Variants in KIF26B observed in about 807,000 individuals in gnomAD.
KIF26B encodes kinesin-like protein KIF26B.
A neutral mutation model predicts 151.2 loss-of-function variants in KIF26B; 63 were observed. The ratio of observed to expected loss-of-function variants is 0.42; its 90% CI spans 0.34 to 0.51. KIF26B has a LOEUF of 0.51. KIF26B is among the 20% of genes least tolerant of loss of function. The pLI, the probability that KIF26B is intolerant of heterozygous loss-of-function variation, is 0.07. For synonymous variants in KIF26B, 1,357 were observed against 1,262.1 expected (o/e 1.08, Z -1.59); for missense variants, 2,813 against 2,913.6 (o/e 0.97, Z 0.79).
At chr1:245,228,212 C>G (rs1365575057) in intron 2 of KIF26B, among the ~76,000 whole-genome samples, 1 of 152,216 alleles carries the variant, frequency 6.6e-6, no homozygotes, top group Non-Finnish European at 1.5e-5. Flanking sequence ...AGGGGGCCCT[C>G]TTTCAGGAGC....
chr1:245,366,055 G>T (rs1043959559), intron 2 of KIF26B, among the ~76,000 whole-genome samples: 3 of 152,204 alleles, frequency 2.0e-5, no homozygotes, highest in Non-Finnish European at 4.4e-5. Context: ...ACCTCTGTTC[G>T]AGGTTGCAAG....
At chr1:245,650,364 A>G (rs2044001908) in intron 10 of KIF26B, among the ~76,000 whole-genome samples, 1 of 152,250 alleles carries the variant, frequency 6.6e-6, no homozygotes, top group African/African-American at 2.4e-5. Context: ...ATGACTTCTC[A>G]GGCCAAAACC....
intron 2 of KIF26B, among the ~76,000 whole-genome samples, chr1:245,220,428 CA>C (rs1558350379): frequency 3.2e-4 from 12 of 37,672 alleles, no homozygotes; most frequent in Admixed American, 2.7e-3. Flanking sequence ...GTCCAGGGTC[CA>C]GGGTCCAGGG....
intron 3 of KIF26B, among the ~76,000 whole-genome samples, chr1:245,407,571 C>T (rs773462295): frequency 2.0e-5 from 3 of 151,874 alleles, no homozygotes; most frequent in African/African-American, 4.8e-5. Context: ...ATGTATAAGC[C>T]GAAGCATCTT....
chr1:245,592,745 A>G (rs1395079734), intron 5 of KIF26B, among the ~76,000 whole-genome samples: 1 of 151,396 alleles, frequency 6.6e-6, no homozygotes, highest in African/African-American at 2.4e-5. Context: ...CATGTCATGC[A>G]GGATTATTAT....
At chr1:245,679,036 G>A (rs2044394111) in intron 10 of KIF26B, among the ~76,000 whole-genome samples, 1 of 152,106 alleles carries the variant, frequency 6.6e-6, no homozygotes, top group African/African-American at 2.4e-5. Flanking sequence ...TGGTGGTTCA[G>A]TGTCTGGGAT....
chr1:245,188,328 CA>C (rs1359102318), intron 2 of KIF26B, among the ~76,000 whole-genome samples: 1 of 138,172 alleles, frequency 7.2e-6, no homozygotes, highest in African/African-American at 2.7e-5. Flanking sequence ...CACAGTAGAA[CA>C]GGGGTGTGGT....
chr1:245,469,268 G>A (rs1036680143), intron 4 of KIF26B, among the ~76,000 whole-genome samples: 3 of 152,168 alleles, frequency 2.0e-5, no homozygotes, highest in Non-Finnish European at 2.9e-5. Context: ...CTGCACTGTG[G>A]CATCCAGAGA....
intron 9 of KIF26B, among the ~76,000 whole-genome samples, chr1:245,644,408 T>A (rs559119506): frequency 6.8e-6 from 1 of 147,982 alleles, no homozygotes; most frequent in East Asian, 1.9e-4. Flanking sequence ...TTGAAATAAC[T>A]GTTTTAATAA....
rs1327956057 is a variant in KIF26B, at chr1:245,396,782, T to A, written c.1000-22797T>A. Among the ~76,000 whole-genome samples the A allele has an allele frequency of 3.3e-5, 5 of 152,382 alleles. No individual in the cohort carries two copies. In the East Asian group the frequency reaches 9.6e-4, roughly 29 times the overall value. ...CTGCCCTACACAAGACATCTGTCCT[T>A]GACACAGGGACTAACCTTGTCTCTC... On this transcript the variant is annotated intron_variant, in intron 3 of 14. Transcript: ENST00000407071.
chr1:245,473,407 T>C (rs1298099215), intron 4 of KIF26B, among the ~76,000 whole-genome samples: 1 of 152,248 alleles, frequency 6.6e-6, no homozygotes, highest in East Asian at 1.9e-4. Context: ...CCGATGCCTG[T>C]CATTGCCATT....
chr1:245,246,841 C>A (rs114136772), intron 2 of KIF26B, among the ~76,000 whole-genome samples: 513 of 151,170 alleles, frequency 3.4e-3, no homozygotes, highest in African/African-American at 0.012. Flanking sequence ...TAGATGGGCC[C>A]TGAAAGGCTT....
intron 2 of KIF26B, among the ~76,000 whole-genome samples, chr1:245,258,387 G>T (rs1670578512): frequency 6.6e-6 from 1 of 152,090 alleles, no homozygotes; most frequent in South Asian, 2.1e-4. Context: ...AGGAGGCCTG[G>T]GTGCCCTGGG....
At chr1:245,328,384 T>A (rs79962251) in intron 2 of KIF26B, among the ~76,000 whole-genome samples, 3,943 of 152,290 alleles carry the variant, frequency 0.026, 67 homozygotes, top group African/African-American at 0.047. Context: ...AGGCCAAGAT[T>A]TTGAAAGAAT....
chr1:245,287,587 G>A (rs183236984), intron 2 of KIF26B, among the ~76,000 whole-genome samples: 3 of 139,576 alleles, frequency 2.1e-5, no homozygotes, highest in Admixed American at 7.9e-5. Flanking sequence ...CACCGCAACC[G>A]CCACCTCCTG....
At chr1:245,650,090 G>C (rs1221468003) in intron 10 of KIF26B, among the ~76,000 whole-genome samples, 1 of 152,160 alleles carries the variant, frequency 6.6e-6, no homozygotes, top group African/African-American at 2.4e-5. Flanking sequence ...GCACCATTCA[G>C]AAAAGCATGC....
intron 2 of KIF26B, among the ~76,000 whole-genome samples, chr1:245,348,586 C>T (rs1410293120): frequency 6.6e-6 from 1 of 152,148 alleles, no homozygotes; most frequent in Non-Finnish European, 1.5e-5. Context: ...TTTCTAAGAG[C>T]ACTAATGTCA....
chr1:245,683,634 CTGTG>C (rs921106876), intron 10 of KIF26B, among the ~76,000 whole-genome samples: 1 of 152,184 alleles, frequency 6.6e-6, no homozygotes, highest in Non-Finnish European at 1.5e-5. Context: ...GGGCCTCTCT[CTGTG>C]TTTCTCCCCT....
At chr1:245,557,304 T>C (rs1662063502) in intron 5 of KIF26B, among the ~76,000 whole-genome samples, 1 of 152,184 alleles carries the variant, frequency 6.6e-6, no homozygotes, top group African/African-American at 2.4e-5. Flanking sequence ...AAGGCTAAGG[T>C]CATCCAGATC....
Sources: gnomAD v4.1 joint callset for allele counts (sites outside exome capture counted in the v4.1 genomes callset) on GRCh38, gnomAD v4.1.1 for gene constraint, MANE v1.5 for transcripts, NCBI Gene and HGNC (gene_info 2026-07-23, HGNC 2026-07-21) for gene names.